Variants in NBEA observed in about 807,000 individuals in gnomAD.
The protein encoded by NBEA is neurobeachin.
Under a neutral mutation model 343.4 loss-of-function variants are expected in NBEA, and 44 were observed. That is an observed-to-expected ratio of 0.13 (90% confidence interval 0.10 to 0.16). The LOEUF is 0.16. NBEA is among the 10% of genes least tolerant of loss of function. The pLI, the probability that NBEA is intolerant of heterozygous loss-of-function variation, is 1.00. For synonymous variants in NBEA, 1,175 were observed against 1,238.7 expected (o/e 0.95, Z 1.08); for missense variants, 2,555 against 3,631.3 (o/e 0.70, Z 7.62).
At chr13:34,965,598 A>G (rs898049765) in intron 1 of NBEA, among the ~76,000 whole-genome samples, 1 of 151,944 alleles carries the variant, frequency 6.6e-6, no homozygotes, top group African/African-American at 2.4e-5. Flanking sequence ...TTTCTTTCCC[A>G]GAAAATTCAT....
In NBEA at chr13:35,182,398, T is replaced by G; in HGVS notation, c.4701T>G (p.Val1567=). Reference sequence around the variant, plus strand: ...AAGCACAGTTCTTAGCTCTGGCTGTTGTTTACTTCATTTCGGTTCTGATGG... The same window carrying G: ...AAGCACAGTTCTTAGCTCTGGCTGTGGTTTACTTCATTTCGGTTCTGATGG... ...SKQAQFLALA[V]VYFISVLMVS... Residue 1567 remains valine, a synonymous_variant, in exon 29 of 59, where the codon GTT becomes GTG. Coordinates refer to ENST00000379939, the MANE Select transcript of NBEA (RefSeq NM_001385012.1). 1 of 1,610,788 alleles carries G rather than the reference T, an allele frequency of 6.2e-7. No homozygotes were observed. The highest frequency in any genetic ancestry group is 8.5e-7 in the Non-Finnish European group (1 of 1,177,824).
At chr13:35,261,438 G>T (rs188447219) in intron 34 of NBEA, among the ~76,000 whole-genome samples, 5 of 152,224 alleles carry the variant, frequency 3.3e-5, no homozygotes, top group African/African-American at 1.2e-4. Flanking sequence ...TGGAACCTGG[G>T]AGGTGGAGGT....
chr13:35,647,433 C>T (rs2084290684), intron 51 of NBEA, among the ~76,000 whole-genome samples: 1 of 152,186 alleles, frequency 6.6e-6, no homozygotes, highest in Non-Finnish European at 1.5e-5. Flanking sequence ...TTCATTTACT[C>T]TGTCATTTAA....
chr13:35,044,857 A>G, intron 2 of NBEA, 90 bp from the exon 3 acceptor site: 2 of 808,590 alleles, frequency 2.5e-6, no homozygotes, highest in Non-Finnish European at 3.9e-6. Context: ...GAGAGATAAC[A>G]ATGATAACTT....
intron 11 of NBEA, among the ~76,000 whole-genome samples, chr13:35,106,002 GCTC>G (rs1593361622): frequency 2.0e-5 from 3 of 151,906 alleles, no homozygotes; most frequent in African/African-American, 7.2e-5. Context: ...AACCTCTAGT[GCTC>G]CTATTTGGTT....
intron 6 of NBEA, among the ~76,000 whole-genome samples, chr13:35,053,412 G>A (rs1245217551): frequency 1.3e-5 from 2 of 151,882 alleles, no homozygotes; most frequent in African/African-American, 2.4e-5. Flanking sequence ...CATCCTTCAA[G>A]CTTAGTCTTA....
intron 41 of NBEA, among the ~76,000 whole-genome samples, chr13:35,526,510 C>T (rs769371072): frequency 3.9e-5 from 6 of 152,112 alleles, no homozygotes; most frequent in South Asian, 2.1e-4. Flanking sequence ...TGGTGATGCA[C>T]GCCTCTGGTC....
intron 38 of NBEA, among the ~76,000 whole-genome samples, chr13:35,419,592 A>G (rs1026173979): frequency 3.3e-5 from 5 of 152,068 alleles, no homozygotes; most frequent in African/African-American, 9.7e-5. Context: ...AAAAATACGT[A>G]TGTACATATA....
intron 38 of NBEA, among the ~76,000 whole-genome samples, chr13:35,393,761 A>G (rs1208937920): frequency 6.6e-6 from 1 of 152,120 alleles, no homozygotes; most frequent in Non-Finnish European, 1.5e-5. Flanking sequence ...AGTTAAAGGA[A>G]AGAAGTATGA....
chr13:35,474,534 G>A (rs1231820790), intron 41 of NBEA: 1 of 152,780 alleles, frequency 6.5e-6, no homozygotes, highest in Non-Finnish European at 1.5e-5. Context: ...AAAATGTCTG[G>A]AAGTATCCAG....
intron 41 of NBEA, among the ~76,000 whole-genome samples, chr13:35,489,599 G>A (rs2076430993): frequency 6.6e-6 from 1 of 151,816 alleles, no homozygotes. Flanking sequence ...GACATCAAAA[G>A]TAAATTCGGT....
chr13:35,620,166 G>A (rs575849508), intron 48 of NBEA, among the ~76,000 whole-genome samples: 12 of 152,012 alleles, frequency 7.9e-5, no homozygotes, highest in East Asian at 5.8e-4. Context: ...GATCCCTGCC[G>A]TCCTGGAGCT....
intron 41 of NBEA, among the ~76,000 whole-genome samples, chr13:35,489,784 TA>T (rs1329692854): frequency 6.6e-6 from 1 of 151,846 alleles, no homozygotes. Context: ...AAAAGCTCAT[TA>T]AAAAATGTAC....
At chr13:35,120,301 G>A (rs1329656402) in intron 16 of NBEA, among the ~76,000 whole-genome samples, 1 of 152,028 alleles carries the variant, frequency 6.6e-6, no homozygotes, top group East Asian at 1.9e-4. Context: ...AGATTAAAAG[G>A]CCTTGTGCTC....
chr13:35,124,935 T>G (rs1400386918), intron 17 of NBEA, among the ~76,000 whole-genome samples: 1 of 152,000 alleles, frequency 6.6e-6, no homozygotes, highest in Non-Finnish European at 1.5e-5. Flanking sequence ...TTCTTTAACT[T>G]CAGTTAATTA....
intron 10 of NBEA, among the ~76,000 whole-genome samples, chr13:35,090,162 C>T (rs557242390): frequency 7.2e-5 from 11 of 151,742 alleles, no homozygotes; most frequent in Non-Finnish European, 1.3e-4. Flanking sequence ...TGGCTTTATA[C>T]AGTAAAGGTT....
chr13:35,061,769 C>A (rs1347188211), intron 8 of NBEA, among the ~76,000 whole-genome samples: 1 of 151,702 alleles, frequency 6.6e-6, no homozygotes, highest in African/African-American at 2.4e-5. Flanking sequence ...GAGCTCCTAA[C>A]AAACTGATCT....
rs1436301911 is a variant in NBEA, at chr13:35,123,648, T to G, written c.2336+74T>G. Reference sequence around the variant, plus strand: ...ATGTTTTTATGAGTTTTCTATGTAATGTAGCATGAAATTTGACTTGAAAAA... The same window carrying G: ...ATGTTTTTATGAGTTTTCTATGTAAGGTAGCATGAAATTTGACTTGAAAAA... On this transcript the variant is annotated intron_variant, in intron 17 of 58. Transcript: ENST00000379939. 6 of 906,014 alleles carry G rather than the reference T, an allele frequency of 6.6e-6. No homozygotes were observed. In the East Asian group the frequency reaches 2.0e-4, roughly 30 times the overall value. 56.1% of individuals were successfully genotyped at this position (906,014 alleles called of 1,614,324 possible).
At chr13:35,422,395 G>A (rs973777258) in intron 38 of NBEA, among the ~76,000 whole-genome samples, 13 of 148,870 alleles carry the variant, frequency 8.7e-5, no homozygotes, top group African/African-American at 2.0e-4. Flanking sequence ...GAGAACATGC[G>A]GTGTTTGGTT....
Sources: gnomAD v4.1 joint callset for allele counts (sites outside exome capture counted in the v4.1 genomes callset) on GRCh38, gnomAD v4.1.1 for gene constraint, MANE v1.5 for transcripts, NCBI Gene and HGNC (gene_info 2026-07-23, HGNC 2026-07-21) for gene names.